CRBN: variants seen among roughly 807,000 people sequenced by gnomAD.
The protein encoded by CRBN is cereblon.
In CRBN, 53 loss-of-function variants were observed where a neutral mutation model predicts 62.2. The ratio of observed to expected loss-of-function variants is 0.85; its 90% CI spans 0.68 to 1.07. CRBN has a LOEUF of 1.07. Among genes scored for constraint, CRBN ranks in the 50% least tolerant of loss-of-function variants. The probability of loss-of-function intolerance (pLI) is 0.00; values close to 1 mark genes in which losing one functional copy is unlikely to be tolerated. For missense variants in CRBN, 616 were observed against 531.1 expected (o/e 1.16, Z -1.57); for synonymous variants, 208 against 176.1 (o/e 1.18, Z -1.43).
chr3:3,179,324 T>C (rs1272566754), intron 1 of CRBN, among the ~76,000 whole-genome samples: 2 of 152,124 alleles, frequency 1.3e-5, no homozygotes, highest in Non-Finnish European at 2.9e-5. Flanking sequence ...TTCAGAGCAT[T>C]TCCTAGGAGC....
chr3:3,155,445 T>C (rs114432984), intron 6 of CRBN: 228 of 153,748 alleles, frequency 1.5e-3, no homozygotes, highest in Admixed American at 4.3e-3. Context: ...CCAGGTACAA[T>C]AGCTACCATT....
intron 5 of CRBN, among the ~76,000 whole-genome samples, chr3:3,162,535 C>T (rs1344421503): frequency 6.6e-6 from 1 of 152,190 alleles, no homozygotes; most frequent in South Asian, 2.1e-4. Context: ...TGAATCTTCT[C>T]TAATGCTTCC....
chr3:3,149,649 TTATTAAAGTAG>T (rs1432438842), downstream of CRBN: 1 of 151,764 alleles, frequency 6.6e-6, no homozygotes, highest in East Asian at 1.9e-4. Context: ...AAACCCAAAA[TTATTAAAGTAG>T]TAAAAGTAGA....
chr3:3,167,764 G>C lies in CRBN; in HGVS notation c.557C>G (p.Pro186Arg). 4 of 1,613,442 alleles carry C rather than the reference G, an allele frequency of 2.5e-6. No homozygotes were observed. Among genetic ancestry groups the C allele is most frequent in the Non-Finnish European group, 3.4e-6 (4 of 1,179,582 alleles). The stretch of plus-strand genomic sequence containing the variant: ...CATGGTTGAAGGCAACACACATTCG[G>C]GAAGAATTTGCACTTTAGCTTGCTG... ...GIQQAKVQIL[P>R]ECVLPSTMSA... The change falls in exon 5 of 11, where the codon CCC (proline) becomes CGC (arginine). Residue 186 changes from proline to arginine, a missense_variant. Physicochemically the swap from Pro to Arg is moderately radical, Grantham distance 103. Coordinates refer to ENST00000231948, the MANE Select transcript of CRBN (RefSeq NM_016302.4).
intron 10 of CRBN, among the ~76,000 whole-genome samples, chr3:3,151,923 C>T (rs968556148): frequency 1.3e-4 from 20 of 152,200 alleles, no homozygotes; most frequent in Non-Finnish European, 2.4e-4. Context: ...TCCGGTTTTA[C>T]ATTACTACAG....
Position 3,158,050 on chromosome 3 carries a change from T to C in CRBN, c.688-1769A>G, listed in dbSNP as rs1156925748. Among the ~76,000 whole-genome samples the C allele has an allele frequency of 2.0e-5, 3 of 152,300 alleles. No individual in the cohort carries two copies. The East Asian group carries it at 5.8e-4, about 29-fold the overall frequency. On this transcript the variant is annotated intron_variant, in intron 5 of 10. Coordinates refer to ENST00000231948, the MANE Select transcript of CRBN (RefSeq NM_016302.4). ...TTCTGGCTTAATATAATCCTTATAT[T>C]TGAGACTATGCAAAGATCAGCCGTC...
intron 4 of CRBN, among the ~76,000 whole-genome samples, chr3:3,171,821 G>A (rs187373336): frequency 5.3e-5 from 8 of 152,108 alleles, no homozygotes; most frequent in Admixed American, 5.2e-4. Flanking sequence ...CTCAGAACTT[G>A]CATGTGTTCA....
At chr3:3,153,038 C>G (rs1706693871) in intron 9 of CRBN, 1 of 300,636 alleles carries the variant, frequency 3.3e-6, no homozygotes, top group Non-Finnish European at 6.3e-6. Context: ...TATATCAGAG[C>G]ATCAGTATGT....
chr3:3,150,563 G>A lies in CRBN; in HGVS notation c.*302C>T. On this transcript the variant is annotated 3_prime_UTR_variant, in exon 11 of 11. Coordinates refer to ENST00000231948, the MANE Select transcript of CRBN (RefSeq NM_016302.4). ...AGGAAATAATCTCATCATTTCCAAA[G>A]ATGTCTTCATGTCCCATCAATGACA... The A allele has an allele frequency of 4.4e-6, 1 of 227,710 alleles. No homozygotes were observed. Among genetic ancestry groups the A allele is most frequent in the Non-Finnish European group, 8.8e-6 (1 of 113,554 alleles). 14.1% of individuals were successfully genotyped at this position (227,710 alleles called of 1,614,324 possible).
At position 3,179,611 on chromosome 3, in the gene CRBN, G is replaced by C. The variant is rs1372683309; in HGVS notation, c.67+10C>G. On this transcript the variant is annotated intron_variant, in intron 1 of 10. Transcript: ENST00000231948. Reference sequence around the variant, plus strand: ...ACTCCCGACTACAGGGAACTACTCCGGGCGGTTACCAGGCAGGAGCGGCAG... The same window carrying C: ...ACTCCCGACTACAGGGAACTACTCCCGGCGGTTACCAGGCAGGAGCGGCAG... 1 of 1,613,268 alleles carries C rather than the reference G, an allele frequency of 6.2e-7. No individual in the cohort carries two copies. The highest frequency in any genetic ancestry group is 8.5e-7 in the Non-Finnish European group (1 of 1,179,342).
At position 3,172,780 on chromosome 3, in the gene CRBN, C is replaced by A; in HGVS notation, c.523G>T (p.Asp175Tyr). The change falls in exon 4 of 11, where the codon GAT becomes TAT. Residue 175 changes from aspartate (D) to tyrosine (Y), a missense_variant. Coordinates refer to ENST00000231948, the MANE Select transcript of CRBN (RefSeq NM_016302.4). ...FKVLELRTQSDGIQQAKVQIL... is the reference protein window; with the variant it reads ...FKVLELRTQSYGIQQAKVQIL... ...AAGGTATATGTTATTTCTTACCCAT[C>A]TGACTGTGTTCTTAGCTCAAGGACT... The A allele has an allele frequency of 1.2e-6, 2 of 1,613,738 alleles. No homozygotes were observed. The highest frequency in any genetic ancestry group is 1.7e-6 in the Non-Finnish European group (2 of 1,179,638).
chr3:3,172,796 C>T lies in CRBN; in HGVS notation c.507G>A (p.Glu169=). The change falls in exon 4 of 11, where the codon GAG becomes GAA. Residue 169 remains glutamate (E), a synonymous_variant. Transcript: ENST00000231948. ...CTTACCCATCTGACTGTGTTCTTAG[C>T]TCAAGGACTTTGAACCTTTGTCTTC... ...AIGRQRFKVL[E]LRTQSDGIQQ... The T allele has an allele frequency of 6.2e-7, 1 of 1,613,980 alleles. No individual in the cohort carries two copies. The highest frequency in any genetic ancestry group is 8.5e-7 in the Non-Finnish European group (1 of 1,179,868).
intron 3 of CRBN, among the ~76,000 whole-genome samples, chr3:3,173,309 C>T (rs1320851008): frequency 2.0e-5 from 3 of 152,148 alleles, no homozygotes; most frequent in African/African-American, 7.2e-5. Flanking sequence ...CCACCCGCCT[C>T]GGCCTCCCAA....
chr3:3,165,421 C>T (rs1337843747), intron 5 of CRBN, among the ~76,000 whole-genome samples: 1 of 152,154 alleles, frequency 6.6e-6, no homozygotes, highest in Admixed American at 6.6e-5. Flanking sequence ...GGGCAAACTT[C>T]GTTGCTGTCT....
chr3:3,153,685 A>G (rs73005226), intron 8 of CRBN, 197 bp from the exon 9 acceptor site: 85,920 of 617,784 alleles, frequency 0.14, 6,491 homozygotes, highest in Admixed American at 0.21. Flanking sequence ...ACATATTTAC[A>G]TAAAACTAAA....
chr3:3,156,454 C>T, intron 5 of CRBN, 173 bp from the exon 6 acceptor site: 1 of 618,398 alleles, frequency 1.6e-6, no homozygotes, highest in Non-Finnish European at 2.9e-6. Flanking sequence ...TGAAATCATG[C>T]TTCCTATATC....
rs1384413939 is a variant in CRBN at position 3,168,157 on chromosome 3, A to ATT, written c.528-365_528-364insAA. 1.8e-3 allele frequency among the ~76,000 whole-genome samples: 273 copies of ATT among 151,732 alleles called. 2 individuals are homozygous for ATT. Among genetic ancestry groups the ATT allele is most frequent in the African/African-American group, 6.3e-3 (257 of 41,088 alleles). ...CTACTTTCTTAAACATTCTTAAGAC[A>ATT]CCCAAATTCTTCTATCCCCCCACTT... On this transcript the variant is annotated intron_variant, in intron 4 of 10. Coordinates refer to ENST00000231948, the MANE Select transcript of CRBN (RefSeq NM_016302.4).
chr3:3,150,941 G>T lies in CRBN; in HGVS notation c.1253C>A (p.Thr418Lys). 6.2e-7 allele frequency: 1 copy of T among 1,613,968 alleles called. No individual in the cohort carries two copies. Among genetic ancestry groups the T allele is most frequent in the Non-Finnish European group, 8.5e-7 (1 of 1,179,968 alleles). ...DMSPQKFWGL[T>K]RSALLPTIPD... ...GATCGTGGGCAACAGAGCAGATCGC[G>T]TTAAGCCCCAAAATTTTTGAGGTGA... is the stretch of plus-strand genomic sequence containing the variant. The change falls in exon 11 of 11, where the codon ACG becomes AAG. Residue 418 changes from threonine (T) to lysine (K), a missense_variant. Physicochemically the swap from Thr to Lys is moderately conservative, Grantham distance 78. Transcript: ENST00000231948.
chr3:3,177,346 T>G (rs1321194027), intron 1 of CRBN, among the ~76,000 whole-genome samples: 1 of 152,246 alleles, frequency 6.6e-6, no homozygotes, highest in Non-Finnish European at 1.5e-5. Context: ...AAAATGATTT[T>G]CAATATGGTA....
Sources: gnomAD v4.1 joint callset for allele counts (sites outside exome capture counted in the v4.1 genomes callset) on GRCh38, gnomAD v4.1.1 for gene constraint, MANE v1.5 for transcripts, NCBI Gene and HGNC (gene_info 2026-07-23, HGNC 2026-07-21) for gene names.